Variants in ETS1 observed in about 807,000 individuals in gnomAD.
ETS1 encodes ETS proto-oncogene 1, transcription factor.
Under a neutral mutation model 58.6 loss-of-function variants are expected in ETS1, and 15 were observed. The ratio of observed to expected loss-of-function variants is 0.26; its 90% confidence interval spans 0.17 to 0.39. The LOEUF is 0.39. Among genes scored for constraint, ETS1 ranks in the 10% least tolerant of loss-of-function variants. The pLI, the probability that ETS1 is intolerant of heterozygous loss-of-function variation, is 1.00. For missense variants in ETS1, 417 were observed against 610.5 expected (o/e 0.68, Z 3.34); for synonymous variants, 214 against 218.2 (o/e 0.98, Z 0.17).
intron 2 of ETS1, among the ~76,000 whole-genome samples, chr11:128,561,334 C>T (rs191030086): frequency 6.6e-5 from 10 of 152,252 alleles, no homozygotes; most frequent in Admixed American, 3.3e-4. Flanking sequence ...GGCAAGAAGG[C>T]GAGGAGGCTG....
At chr11:128,522,832 G>T (rs993783907) in intron 3 of ETS1, among the ~76,000 whole-genome samples, 1 of 152,222 alleles carries the variant, frequency 6.6e-6, no homozygotes, top group Non-Finnish European at 1.5e-5. Flanking sequence ...AGGCGCAGGG[G>T]ATTCGTGAGC....
At chr11:128,553,240 G>A (rs1438249008) in intron 3 of ETS1, among the ~76,000 whole-genome samples, 2 of 152,210 alleles carry the variant, frequency 1.3e-5, no homozygotes, top group Non-Finnish European at 2.9e-5. Flanking sequence ...GCGGACGGTA[G>A]GAGGAGGTAG....
chr11:128,507,016 G>C (rs971569964), intron 3 of ETS1, among the ~76,000 whole-genome samples: 11 of 152,192 alleles, frequency 7.2e-5, no homozygotes, highest in African/African-American at 2.2e-4. Context: ...AGTCCCTGGT[G>C]GGGGAGACAG....
rs541225503 is a variant in ETS1, at chr11:128,493,217, T to C, written c.215-2641A>G. Reference sequence around the variant, plus strand: ...GAAAGCTGGGACAGTGGGATGCCAGTGTGAGGTGACAGCCAAGGACGACAG... The same window carrying C: ...GAAAGCTGGGACAGTGGGATGCCAGCGTGAGGTGACAGCCAAGGACGACAG... On this transcript the variant is annotated intron_variant, in intron 3 of 9. Transcript: ENST00000392668. Among the ~76,000 whole-genome samples, 6 of 152,274 alleles carry C rather than the reference T, an allele frequency of 3.9e-5. No individual in the cohort carries two copies. The East Asian group carries it at 1.2e-3, about 29-fold the overall frequency.
At chr11:128,564,077 G>A (rs1294822962) in intron 2 of ETS1, among the ~76,000 whole-genome samples, 1 of 152,118 alleles carries the variant, frequency 6.6e-6, no homozygotes, top group Non-Finnish European at 1.5e-5. Context: ...GAGGTATTTG[G>A]CCTCAGAAGG....
intron 3 of ETS1, among the ~76,000 whole-genome samples, chr11:128,539,335 A>G (rs1354406657): frequency 1.3e-5 from 2 of 152,318 alleles, no homozygotes; most frequent in Non-Finnish European, 2.9e-5. Context: ...TATGTAAAGA[A>G]CTCTTACAAC....
chr11:128,582,104 G>A (rs148635867), intron 1 of ETS1, among the ~76,000 whole-genome samples: 4 of 152,262 alleles, frequency 2.6e-5, no homozygotes, highest in East Asian at 3.9e-4. Flanking sequence ...GAGGGATTGT[G>A]CAATTCCAGT....
chr11:128,578,664 C>T (rs1018212847), intron 1 of ETS1, among the ~76,000 whole-genome samples: 15 of 152,056 alleles, frequency 9.9e-5, no homozygotes, highest in South Asian at 4.1e-4. Context: ...TCTATCTAAA[C>T]GAACATAGAT....
chr11:128,545,990 C>A (rs574249671), intron 3 of ETS1, among the ~76,000 whole-genome samples: 2 of 152,262 alleles, frequency 1.3e-5, no homozygotes, highest in South Asian at 4.1e-4. Flanking sequence ...CAGGAACAGC[C>A]CACAGGCATT....
intron 3 of ETS1, among the ~76,000 whole-genome samples, chr11:128,541,124 C>T (rs1429958915): frequency 6.6e-6 from 1 of 152,196 alleles, no homozygotes; most frequent in East Asian, 1.9e-4. Context: ...ACAGGACCAT[C>T]CCTCTCATCA....
chr11:128,585,193 GGAAAGAAAGAAAGAAAGAAA>G (rs764608182), intron 1 of ETS1, among the ~76,000 whole-genome samples: 2 of 15,674 alleles, frequency 1.3e-4, no homozygotes, highest in Non-Finnish European at 2.1e-4. Context: ...AAAGAAGGAA[GGAAAGAAAGAAAGAAAGAAA>G]GAAAGAAAGA....
At position 128,497,186 on chromosome 11, in the gene ETS1, C is replaced by T. The variant is rs574441088; in HGVS notation, c.215-6610G>A. Among the ~76,000 whole-genome samples, 20 of 152,320 alleles carry T rather than the reference C, an allele frequency of 1.3e-4. No homozygotes were observed. The East Asian group carries it at 3.3e-3, about 25-fold the overall frequency. ...CTGCAGAGAAAATCCCCAATTCACCCTCCAGTGACCTGACTGACCAAAAAT... is the reference window on the plus strand; with the variant it reads ...CTGCAGAGAAAATCCCCAATTCACCTTCCAGTGACCTGACTGACCAAAAAT... On this transcript the variant is annotated intron_variant, in intron 3 of 9. Coordinates refer to ENST00000392668, the MANE Select transcript of ETS1 (RefSeq NM_001143820.2).
intron 3 of ETS1, among the ~76,000 whole-genome samples, chr11:128,502,938 G>A (rs143313883): frequency 4.4e-4 from 67 of 152,178 alleles, no homozygotes; most frequent in African/African-American, 1.4e-3. Context: ...GCATTAATGC[G>A]CAACCAACAG....
Position 128,509,775 on chromosome 11 carries a change from G to C in ETS1, c.215-19199C>G, listed in dbSNP as rs574434759. ...CTAAGTAGGAAGGCCTTGGCAACTA[G>C]AAAGGTCTAAGATCAAATTTATGAC... On this transcript the variant is annotated intron_variant, in intron 3 of 9. Coordinates refer to ENST00000392668, the MANE Select transcript of ETS1 (RefSeq NM_001143820.2). 1.1e-4 allele frequency among the ~76,000 whole-genome samples: 17 copies of C among 152,214 alleles called. 1 individual carries two copies. In the South Asian group the frequency reaches 3.5e-3, roughly 32 times the overall value.
intron 2 of ETS1, among the ~76,000 whole-genome samples, chr11:128,570,210 A>ATTTC (rs756757816): frequency 5.5e-5 from 8 of 145,778 alleles, no homozygotes; most frequent in East Asian, 2.0e-4. Context: ...TTTGTGTGAC[A>ATTTC]TTTCTTTCTT....
chr11:128,482,680 G>A (rs899820186), intron 7 of ETS1, among the ~76,000 whole-genome samples: 6 of 152,116 alleles, frequency 3.9e-5, no homozygotes, highest in South Asian at 4.1e-4. Flanking sequence ...CTTCATTTAC[G>A]GGTATTTTCT....
rs547006573 is a variant in ETS1 at position 128,462,083 on chromosome 11, C to T, written c.*278G>A. On this transcript the variant is annotated 3_prime_UTR_variant, in exon 10 of 10. Coordinates refer to ENST00000392668, the MANE Select transcript of ETS1 (RefSeq NM_001143820.2). ...TGATTGGACACATTAGTCTCTTTCT[C>T]TGTTAAGCCAGAGCCTTCAAGCTTC... 1.5e-4 allele frequency: 66 copies of T among 431,416 alleles called. No homozygotes were observed. Among genetic ancestry groups the T allele is most frequent in the African/African-American group, 1.1e-3 (59 of 51,448 alleles). 26.7% of individuals were successfully genotyped at this position (431,416 alleles called of 1,614,324 possible). A position where few individuals can be genotyped will look rare whatever the true frequency, so the allele number is the denominator to read the frequency against.
intron 1 of ETS1, among the ~76,000 whole-genome samples, chr11:128,581,166 G>A (rs1046295778): frequency 6.6e-6 from 1 of 152,130 alleles, no homozygotes; most frequent in East Asian, 1.9e-4. Context: ...TACTGAAATG[G>A]CATTGTCAAC....
chr11:128,546,651 T>A (rs1003923366), intron 3 of ETS1, among the ~76,000 whole-genome samples: 5 of 152,136 alleles, frequency 3.3e-5, no homozygotes, highest in Non-Finnish European at 7.4e-5. Flanking sequence ...AAATATTCTT[T>A]AAAAAAAATT....
Sources: gnomAD v4.1 joint callset for allele counts (sites outside exome capture counted in the v4.1 genomes callset) on GRCh38, gnomAD v4.1.1 for gene constraint, MANE v1.5 for transcripts, NCBI Gene and HGNC (gene_info 2026-07-23, HGNC 2026-07-21) for gene names.